The following SAMD3 variants were observed in gnomAD, a reference collection of about 807,000 sequenced individuals.
SAMD3 encodes sterile alpha motif domain-containing protein 3.
In SAMD3, 63 loss-of-function variants were observed where a neutral mutation model predicts 58.5. The ratio of observed to expected loss-of-function variants is 1.08; its 90% CI spans 0.88 to 1.33. The LOEUF (loss-of-function observed/expected upper bound fraction) is 1.33. Ranked by LOEUF, SAMD3 falls within the 40% of genes most tolerant of loss-of-function variation. The pLI is 0.00. For missense variants in SAMD3, 604 were observed against 608.4 expected (o/e 0.99, Z 0.08); for synonymous variants, 220 against 210.3 (o/e 1.05, Z -0.40).
chr6:130,200,878 G>GT (rs139630168), intron 5 of SAMD3, among the ~76,000 whole-genome samples: 10 of 151,278 alleles, frequency 6.6e-5, no homozygotes, highest in South Asian at 2.1e-4. Context: ...CAGAATCCCT[G>GT]TTTTTCTTTC....
intron 5 of SAMD3, among the ~76,000 whole-genome samples, chr6:130,198,111 T>C (rs562248170): frequency 1.8e-4 from 28 of 152,050 alleles, no homozygotes; most frequent in African/African-American, 5.3e-4. Flanking sequence ...CCACCCCATC[T>C]CTCTTCGCTG....
At chr6:130,242,178 C>T (rs1327278458) in intron 2 of SAMD3, among the ~76,000 whole-genome samples, 2 of 152,162 alleles carry the variant, frequency 1.3e-5, no homozygotes, top group Non-Finnish European at 2.9e-5. Flanking sequence ...TATCTAAAGC[C>T]TATCAAGGGA....
chr6:130,349,044 C>G lies in SAMD3; in HGVS notation c.-304+16076G>C, dbSNP rs150880992. Among the ~76,000 whole-genome samples, 1,293 of 152,108 alleles carry G rather than the reference C, an allele frequency of 8.5e-3. 19 individuals are homozygous for G. Among genetic ancestry groups the G allele is most frequent in the African/African-American group, 0.03 (1,233 of 41,490 alleles). Reference sequence around the variant, plus strand: ...TTTGAAACCAACGAGAACAAAGACACAACATACCAGCATCTCTGGGACACA... The same window carrying G: ...TTTGAAACCAACGAGAACAAAGACAGAACATACCAGCATCTCTGGGACACA... On this transcript the variant is annotated intron_variant, in intron 1 of 13. Coordinates refer to the SAMD3 transcript ENST00000368134.
At chr6:130,288,653 G>C (rs1308407075) in intron 2 of SAMD3, among the ~76,000 whole-genome samples, 1 of 152,188 alleles carries the variant, frequency 6.6e-6, no homozygotes, top group Non-Finnish European at 1.5e-5. Context: ...AACTAATGTG[G>C]ATGTTTAGGT....
chr6:130,311,095 C>G (rs144993840), intron 2 of SAMD3, among the ~76,000 whole-genome samples: 1 of 152,090 alleles, frequency 6.6e-6, no homozygotes, highest in African/African-American at 2.4e-5. Flanking sequence ...CCACACATAC[C>G]GTGCACCACC....
upstream of SAMD3, among the ~76,000 whole-genome samples, chr6:130,227,262 T>C (rs1796407360): frequency 1.3e-5 from 2 of 152,226 alleles, no homozygotes; most frequent in Admixed American, 1.3e-4. Context: ...CTCAGTATAA[T>C]GTTTTCAAGG....
chr6:130,259,184 T>C (rs1774024129), intron 2 of SAMD3, among the ~76,000 whole-genome samples: 1 of 152,212 alleles, frequency 6.6e-6, no homozygotes, highest in African/African-American at 2.4e-5. Context: ...GTCTGTTTTA[T>C]GCTGCTATAA....
intron 1 of SAMD3, among the ~76,000 whole-genome samples, chr6:130,329,771 T>C (rs749834728): frequency 1.3e-5 from 2 of 152,134 alleles, no homozygotes; most frequent in Non-Finnish European, 2.9e-5. Flanking sequence ...TGCAGGGACA[T>C]GGCTAAAGCT....
intron 2 of SAMD3, among the ~76,000 whole-genome samples, chr6:130,257,892 A>G (rs1773977762): frequency 6.6e-6 from 1 of 152,096 alleles, no homozygotes; most frequent in Admixed American, 6.6e-5. Flanking sequence ...TCCATAGATT[A>G]GTTTTGTCTC....
upstream of SAMD3, chr6:130,365,791 G>C: frequency 1.0e-6 from 1 of 985,484 alleles, no homozygotes; most frequent in Non-Finnish European, 1.2e-6. Context: ...CTTTGTGGCC[G>C]GGACGCGGAT....
chr6:130,197,700 C>T (rs1416714348), intron 5 of SAMD3, among the ~76,000 whole-genome samples: 2 of 152,260 alleles, frequency 1.3e-5, no homozygotes, highest in African/African-American at 4.8e-5. Flanking sequence ...TAATCCCGCT[C>T]GAAGCAGCCC....
intron 1 of SAMD3, among the ~76,000 whole-genome samples, chr6:130,342,030 G>A (rs181376563): frequency 2.6e-5 from 4 of 152,200 alleles, no homozygotes; most frequent in Admixed American, 2.6e-4. Flanking sequence ...TTTTGGGACA[G>A]TAGTTCTTAA....
intron 5 of SAMD3, among the ~76,000 whole-genome samples, chr6:130,192,317 G>A (rs1793625474): frequency 6.6e-6 from 1 of 152,056 alleles, no homozygotes; most frequent in Non-Finnish European, 1.5e-5. Context: ...CAGGTGTCAG[G>A]CCTCTGAGCC....
chr6:130,173,882 A>AG (rs1791472198), intron 8 of SAMD3, among the ~76,000 whole-genome samples: 1 of 152,176 alleles, frequency 6.6e-6, no homozygotes, highest in Admixed American at 6.5e-5. Flanking sequence ...TTTCCTTCAG[A>AG]GATGCCCTGC....
chr6:130,357,685 A>G (rs1393909350), intron 1 of SAMD3, among the ~76,000 whole-genome samples: 1 of 152,220 alleles, frequency 6.6e-6, no homozygotes, highest in Non-Finnish European at 1.5e-5. Flanking sequence ...CGGAGCTCCA[A>G]CATTCTAATG....
At chr6:130,318,563 G>A (rs1248920385) in intron 1 of SAMD3, among the ~76,000 whole-genome samples, 1 of 151,712 alleles carries the variant, frequency 6.6e-6, no homozygotes, top group Non-Finnish European at 1.5e-5. Flanking sequence ...TGAGTAGCTG[G>A]GATTACAGGC....
chr6:130,169,553 C>A lies in SAMD3; in HGVS notation c.822+6288G>T, dbSNP rs529592232. On this transcript the variant is annotated intron_variant, in intron 8 of 11. Transcript: ENST00000439090. ...TTTTAGCCTTAGCTGGCAGGAAGGT[C>A]AAAACTAAATTCCATTACCATTTAA... 3.1e-4 allele frequency among the ~76,000 whole-genome samples: 47 copies of A among 152,256 alleles called. No individual in the cohort carries two copies. The South Asian group carries it at 9.7e-3, about 32-fold the overall frequency.
chr6:130,356,130 C>T (rs1176858428), intron 1 of SAMD3, among the ~76,000 whole-genome samples: 3 of 152,146 alleles, frequency 2.0e-5, no homozygotes, highest in Non-Finnish European at 4.4e-5. Flanking sequence ...TTAAAGTCTT[C>T]GTTGGTTTCC....
At chr6:130,150,313 C>T (rs1451131582) in intron 9 of SAMD3, among the ~76,000 whole-genome samples, 1 of 152,136 alleles carries the variant, frequency 6.6e-6, no homozygotes, top group Non-Finnish European at 1.5e-5. Context: ...GGACAAGGTT[C>T]TCCCAGGCTG....
Sources: allele counts gnomAD v4.1 joint callset (sites outside exome capture counted in the v4.1 genomes callset), GRCh38; gene constraint gnomAD v4.1.1; transcripts MANE v1.5; gene names NCBI Gene and HGNC (gene_info 2026-07-23, HGNC 2026-07-21).